Variants in GPR158 observed in about 807,000 individuals in gnomAD.
GPR158 encodes the protein metabotropic glycine receptor.
GPR158 carries 30 observed loss-of-function variants against 78.2 expected under a neutral mutation model. The ratio of observed to expected loss-of-function variants is 0.38; its 90% CI spans 0.29 to 0.52. The LOEUF is 0.52. GPR158 is among the 20% of genes least tolerant of loss of function. The probability of loss-of-function intolerance (pLI) is 0.83; values close to 1 mark genes in which losing one functional copy is unlikely to be tolerated. For synonymous variants in GPR158, 581 were observed against 591.1 expected (o/e 0.98, Z 0.25); for missense variants, 1,463 against 1,523.5 (o/e 0.96, Z 0.66).
chr10:25,399,275 T>TAA (rs2130533323), intron 3 of GPR158, among the ~76,000 whole-genome samples: 1 of 152,250 alleles, frequency 6.6e-6, no homozygotes, highest in East Asian at 1.9e-4. Flanking sequence ...TTCCTGCCCT[T>TAA]AACACTTGGG....
intron 2 of GPR158, among the ~76,000 whole-genome samples, chr10:25,294,780 G>T (rs1292110863): frequency 4.9e-5 from 4 of 82,074 alleles, no homozygotes; most frequent in Admixed American, 4.2e-4. Context: ...AAGCTCTTAG[G>T]CATTGATACT....
intron 2 of GPR158, among the ~76,000 whole-genome samples, chr10:25,284,572 T>C (rs931281720): frequency 6.6e-6 from 1 of 151,874 alleles, no homozygotes; most frequent in African/African-American, 2.4e-5. Flanking sequence ...TTTTATTCAG[T>C]CTGACAATCT....
At chr10:25,251,008 G>A (rs1203252503) in intron 2 of GPR158, among the ~76,000 whole-genome samples, 1 of 151,704 alleles carries the variant, frequency 6.6e-6, no homozygotes, top group Non-Finnish European at 1.5e-5. Context: ...TGTATTGGGT[G>A]CATATATATT....
At chr10:25,581,992 G>A (rs866971732) in intron 7 of GPR158, among the ~76,000 whole-genome samples, 8 of 152,128 alleles carry the variant, frequency 5.3e-5, no homozygotes, top group African/African-American at 1.9e-4. Context: ...GGCAGGCAAC[G>A]AGAGAATGAG....
chr10:25,210,754 A>G (rs1237178837), intron 1 of GPR158, among the ~76,000 whole-genome samples: 1 of 152,174 alleles, frequency 6.6e-6, no homozygotes, highest in Non-Finnish European at 1.5e-5. Context: ...TATTCATGAC[A>G]TTATATCCTT....
chr10:25,323,344 A>G (rs2807247), intron 2 of GPR158, among the ~76,000 whole-genome samples: 66,262 of 151,980 alleles, frequency 0.44, 17,896 homozygotes, highest in Non-Finnish European at 0.62. Context: ...CAAAGTCACC[A>G]GCTGCATTAG....
intron 2 of GPR158, among the ~76,000 whole-genome samples, chr10:25,314,905 TACAC>T (rs34451547): frequency 0.04 from 5,544 of 136,920 alleles, 194 homozygotes; most frequent in African/African-American, 0.1. Flanking sequence ...AGTTTACACA[TACAC>T]ACACACACAC....
At chr10:25,538,428 CT>C (rs1370936679) in intron 5 of GPR158, among the ~76,000 whole-genome samples, 2 of 152,084 alleles carry the variant, frequency 1.3e-5, no homozygotes, top group Non-Finnish European at 2.9e-5. Context: ...GACAAGTGTG[CT>C]TTCATTTCTC....
intron 6 of GPR158, among the ~76,000 whole-genome samples, chr10:25,572,412 G>A (rs1204710162): frequency 6.6e-6 from 1 of 152,176 alleles, no homozygotes; most frequent in Non-Finnish European, 1.5e-5. Context: ...AGGAATGCTT[G>A]AGCCAGGAGT....
At chr10:25,505,727 G>A (rs1466947576) in intron 5 of GPR158, among the ~76,000 whole-genome samples, 1 of 152,054 alleles carries the variant, frequency 6.6e-6, no homozygotes, top group Admixed American at 6.6e-5. Flanking sequence ...GATAGTGCTT[G>A]TGCTTCTTCA....
intron 2 of GPR158, among the ~76,000 whole-genome samples, chr10:25,374,814 A>G (rs539735199): frequency 1.3e-5 from 2 of 151,620 alleles, no homozygotes; most frequent in Non-Finnish European, 3.0e-5. Flanking sequence ...AGCATGCTTG[A>G]TTTTTTGCAG....
intron 2 of GPR158, among the ~76,000 whole-genome samples, chr10:25,288,529 T>TA (rs1367585968): frequency 6.6e-6 from 1 of 152,224 alleles, no homozygotes; most frequent in Admixed American, 6.5e-5. Context: ...GATTCATTTT[T>TA]AAAAAATTTC....
intron 5 of GPR158, among the ~76,000 whole-genome samples, chr10:25,479,421 A>G (rs1280000339): frequency 6.6e-6 from 1 of 151,904 alleles, no homozygotes; most frequent in Non-Finnish European, 1.5e-5. Context: ...GTGACCTGAT[A>G]CTTCTTTCCA....
At chr10:25,389,411 G>C (rs1256129274) in intron 2 of GPR158, among the ~76,000 whole-genome samples, 1 of 152,162 alleles carries the variant, frequency 6.6e-6, no homozygotes, top group Non-Finnish European at 1.5e-5. Context: ...ACAGTCATCA[G>C]GATGACCTGC....
At position 25,599,112 on chromosome 10, in the gene GPR158, G is replaced by A; in HGVS notation, c.3486G>A (p.Gln1162=). 6.2e-7 allele frequency: 1 copy of A among 1,612,194 alleles called. No individual in the cohort carries two copies. Among genetic ancestry groups the A allele is most frequent in the Non-Finnish European group, 8.5e-7 (1 of 1,180,000 alleles). ...CCTATAACTCAAGTAATAACTTCCA[G>A]CAACCTTTAACATCACGAGCAGAGG... is the stretch of plus-strand genomic sequence containing the variant. ...RGSYNSSNNF[Q]QPLTSRAEVC... The change falls in exon 11 of 11, where the codon CAG becomes CAA. Residue 1162 remains glutamine (Q), a synonymous_variant. Coordinates refer to ENST00000376351, the MANE Select transcript of GPR158 (RefSeq NM_020752.3).
chr10:25,239,341 C>T (rs1020477187), intron 2 of GPR158, among the ~76,000 whole-genome samples: 1 of 152,100 alleles, frequency 6.6e-6, no homozygotes, highest in Admixed American at 6.6e-5. Context: ...TGGCTGATGC[C>T]TGTAATCCCA....
chr10:25,410,487 G>A (rs963341454), intron 3 of GPR158, among the ~76,000 whole-genome samples: 2 of 152,020 alleles, frequency 1.3e-5, no homozygotes, highest in Non-Finnish European at 2.9e-5. Flanking sequence ...GTGGTGGCGC[G>A]TGTCTGTAGT....
intron 2 of GPR158, among the ~76,000 whole-genome samples, chr10:25,361,595 T>C (rs1018942887): frequency 6.6e-6 from 1 of 151,866 alleles, no homozygotes; most frequent in Admixed American, 6.6e-5. Context: ...CTCACAAACA[T>C]TTGTTATTTT....
At chr10:25,498,977 C>G (rs4749041) in intron 5 of GPR158, among the ~76,000 whole-genome samples, 66,927 of 151,888 alleles carry the variant, frequency 0.44, 15,355 homozygotes, top group East Asian at 0.62. Context: ...CCTAAGGATG[C>G]CTTCAGGTGT....
Sources: allele counts gnomAD v4.1 joint callset (sites outside exome capture counted in the v4.1 genomes callset), GRCh38; gene constraint gnomAD v4.1.1; transcripts MANE v1.5; gene names NCBI Gene and HGNC (gene_info 2026-07-23, HGNC 2026-07-21).